The following LAMA4 variants were observed in gnomAD, a reference collection of about 807,000 sequenced individuals.
LAMA4 encodes laminin subunit alpha-4.
A neutral mutation model predicts 207.1 loss-of-function variants in LAMA4; 127 were observed. That is an observed-to-expected ratio of 0.61 (90% confidence interval 0.53 to 0.71). LAMA4 has a LOEUF of 0.71. Among genes scored for constraint, LAMA4 ranks in the 30% least tolerant of loss-of-function variants. The probability of loss-of-function intolerance (pLI) is 0.00; values close to 1 mark genes in which losing one functional copy is unlikely to be tolerated. For synonymous variants in LAMA4, 761 were observed against 816.0 expected (o/e 0.93, Z 1.15); for missense variants, 2,093 against 2,246.5 (o/e 0.93, Z 1.38).
chr6:112,182,954 C>G (rs982172703), intron 9 of LAMA4, among the ~76,000 whole-genome samples: 14 of 152,090 alleles, frequency 9.2e-5, no homozygotes, highest in African/African-American at 3.4e-4. Flanking sequence ...TTAGGGGAAT[C>G]CCAGACATAA....
chr6:112,115,797 A>T, intron 36 of LAMA4, 66 bp downstream of exon 36: 1 of 1,465,812 alleles, frequency 6.8e-7, no homozygotes, highest in East Asian at 2.3e-5. Context: ...CTGTGAAATA[A>T]ATCTGCTTCA....
In LAMA4 at chr6:112,148,351, C is replaced by G. The variant is rs1562662493; in HGVS notation, c.2174-15G>C. On this transcript the variant is annotated splice_polypyrimidine_tract_variant and intron_variant, in intron 17 of 38. Transcript: ENST00000230538. ...CTGGGCATCCCCTTTACACAGAGCA[C>G]AGGGTCATTCACTTTGCAGAGAAGC... The G allele has an allele frequency of 6.2e-7, 1 of 1,613,844 alleles. No homozygotes were observed. Among genetic ancestry groups the G allele is most frequent in the African/African-American group, 1.3e-5 (1 of 75,052 alleles).
At chr6:112,136,346 A>G in intron 24 of LAMA4, 92 bp from the exon 25 acceptor site, 2 of 997,844 alleles carry the variant, frequency 2.0e-6, no homozygotes, top group South Asian at 2.7e-5. Context: ...TGTATTCTTT[A>G]TTACTGGAAC....
chr6:112,224,942 T>G (rs1423837671), intron 2 of LAMA4, among the ~76,000 whole-genome samples: 4 of 151,470 alleles, frequency 2.6e-5, no homozygotes, highest in Non-Finnish European at 5.9e-5. Context: ...TTCTCAGTTT[T>G]TTTTTTTTTA....
At chr6:112,197,743 C>T (rs78644952) in intron 5 of LAMA4, among the ~76,000 whole-genome samples, 1,775 of 152,260 alleles carry the variant, frequency 0.012, 17 homozygotes, top group Middle Eastern at 0.058. Flanking sequence ...TGCCATGTGA[C>T]GACTCATGTC....
At chr6:112,169,092 C>T (rs1554341005) in intron 12 of LAMA4, among the ~76,000 whole-genome samples, 1 of 152,156 alleles carries the variant, frequency 6.6e-6, no homozygotes, top group Non-Finnish European at 1.5e-5. Flanking sequence ...AGTAGGAAGC[C>T]ATTGAAGGCA....
chr6:112,227,697 T>G (rs1463124859), intron 2 of LAMA4, among the ~76,000 whole-genome samples: 1 of 152,210 alleles, frequency 6.6e-6, no homozygotes, highest in African/African-American at 2.4e-5. Context: ...AATTTGTCCT[T>G]CCTTTGTTTT....
At chr6:112,212,812 T>G (rs1422119725) in intron 3 of LAMA4, among the ~76,000 whole-genome samples, 1 of 152,220 alleles carries the variant, frequency 6.6e-6, no homozygotes, top group Non-Finnish European at 1.5e-5. Flanking sequence ...TTTCTTCCTG[T>G]TCTTCGACAC....
chr6:112,243,063 C>T (rs181575526), intron 2 of LAMA4, among the ~76,000 whole-genome samples: 1 of 152,154 alleles, frequency 6.6e-6, no homozygotes, highest in Non-Finnish European at 1.5e-5. Context: ...GGTTTAGGGT[C>T]ATTCTGGAGG....
chr6:112,115,885 T>A lies in LAMA4; in HGVS notation c.5090A>T (p.Asn1697Ile). The change falls in exon 36 of 39, where the codon AAT becomes ATT. Residue 1697 changes from asparagine (N) to isoleucine (I), a missense_variant. Physicochemically the swap from Asn to Ile is moderately radical, Grantham distance 149 (BLOSUM62 -3). This residue lies in a region of LAMA4 where 383 missense variants were observed against 437.8 expected (regional missense o/e 0.87). Transcript: ENST00000230538. ...TACCTGTCCATTTTTCATGTGAACA[T>A]TTAGGTACTCCCCATTGACACTGTG... ...HGHSVNGEYL[N>I]VHMKNGQVIV... 6.2e-7 allele frequency: 1 copy of A among 1,613,360 alleles called. No homozygotes were observed. Among genetic ancestry groups the A allele is most frequent in the South Asian group, 1.1e-5 (1 of 91,080 alleles).
At chr6:112,228,687 C>A (rs1467094990) in intron 2 of LAMA4, among the ~76,000 whole-genome samples, 1 of 152,180 alleles carries the variant, frequency 6.6e-6, no homozygotes. Flanking sequence ...AGCTTGCCGG[C>A]GGGAGCTGCC....
Position 112,171,045 on chromosome 6 carries a change from A to G in LAMA4, c.1551+1566T>C, listed in dbSNP as rs1017177248. Among the ~76,000 whole-genome samples the G allele has an allele frequency of 1.1e-4, 17 of 152,312 alleles. 1 individual carries two copies. Among genetic ancestry groups the G allele is most frequent in the African/African-American group, 3.9e-4 (16 of 41,556 alleles). ...GAGGGAGTCCTGAATGCCACGTGAA[A>G]GAGCATAGGCTGTCCACAGGATAGT... On this transcript the variant is annotated intron_variant, in intron 12 of 38. Coordinates refer to ENST00000230538, the MANE Select transcript of LAMA4 (RefSeq NM_001105206.3).
chr6:112,126,465 C>T (rs1474085844), intron 31 of LAMA4, among the ~76,000 whole-genome samples: 1 of 152,164 alleles, frequency 6.6e-6, no homozygotes, highest in African/African-American at 2.4e-5. Flanking sequence ...ATCTGTCTTC[C>T]ATGTCAAACT....
chr6:112,142,364 A>C, intron 19 of LAMA4, 72 bp from the exon 20 acceptor site: 1 of 1,390,446 alleles, frequency 7.2e-7, no homozygotes, highest in Non-Finnish European at 1.0e-6. Flanking sequence ...TGCTTCCCTC[A>C]TTCGTGACAG....
At chr6:112,178,984 G>T (rs376293827) in intron 9 of LAMA4, 5 of 152,196 alleles carry the variant, frequency 3.3e-5, no homozygotes, top group African/African-American at 1.2e-4. Flanking sequence ...TCCAACCACT[G>T]CTGAAATTGA....
At chr6:112,173,582 G>T (rs1448919818) in intron 11 of LAMA4, among the ~76,000 whole-genome samples, 1 of 152,200 alleles carries the variant, frequency 6.6e-6, no homozygotes, top group Non-Finnish European at 1.5e-5. Flanking sequence ...GAGGTGACAA[G>T]CTTGGAAACA....
chr6:112,185,569 A>C (rs192645437), intron 8 of LAMA4, among the ~76,000 whole-genome samples: 1 of 152,266 alleles, frequency 6.6e-6, no homozygotes, highest in African/African-American at 2.4e-5. Context: ...TCACTAGACC[A>C]GGGATGCTGG....
chr6:112,216,712 A>G, intron 2 of LAMA4: 1 of 504,950 alleles, frequency 2.0e-6, no homozygotes. Flanking sequence ...TCAGGAGAAC[A>G]GAAATGCCTT....
At chr6:112,137,671 G>A (rs1278477914) in intron 24 of LAMA4, among the ~76,000 whole-genome samples, 3 of 152,192 alleles carry the variant, frequency 2.0e-5, no homozygotes, top group African/African-American at 7.2e-5. Context: ...CGAAATAATA[G>A]AATATTTACA....
Sources: gnomAD v4.1 joint callset for allele counts (sites outside exome capture counted in the v4.1 genomes callset) on GRCh38, gnomAD v4.1.1 for gene constraint, gnomAD v4.1.1 regional missense constraint, MANE v1.5 for transcripts, NCBI Gene and HGNC (gene_info 2026-07-23, HGNC 2026-07-21) for gene names.